Variants in CSMD3 observed in about 807,000 individuals in gnomAD.
The protein encoded by CSMD3 is CUB and sushi domain-containing protein 3.
In CSMD3, 177 loss-of-function variants were observed where a neutral mutation model predicts 435.2. The ratio of observed to expected loss-of-function variants is 0.41; its 90% CI spans 0.36 to 0.46. The LOEUF (loss-of-function observed/expected upper bound fraction) is 0.46, where lower values mean the gene tolerates loss of function less well. Ranked by LOEUF, CSMD3 falls within the 20% of genes least tolerant of loss-of-function variation. The pLI, the probability that CSMD3 is intolerant of heterozygous loss-of-function variation, is 0.34. For synonymous variants in CSMD3, 1,656 were observed against 1,520.5 expected (o/e 1.09, Z -2.07); for missense variants, 4,265 against 4,504.6 (o/e 0.95, Z 1.52).
chr8:113,265,189 A>G (rs2132379712), intron 3 of CSMD3, among the ~76,000 whole-genome samples: 1 of 151,760 alleles, frequency 6.6e-6, no homozygotes, highest in Middle Eastern at 3.4e-3. Flanking sequence ...AGAGAGAAAG[A>G]GCATTCAAAA....
chr8:113,000,423 T>C (rs2085820256), intron 6 of CSMD3, among the ~76,000 whole-genome samples: 2 of 152,038 alleles, frequency 1.3e-5, no homozygotes. Context: ...ACATGTTTAC[T>C]GGACTTTGAC....
At chr8:112,622,571 C>T (rs1259569349) in intron 22 of CSMD3, among the ~76,000 whole-genome samples, 1 of 152,094 alleles carries the variant, frequency 6.6e-6, no homozygotes, top group African/African-American at 2.4e-5. Flanking sequence ...GTGTTTTCAA[C>T]GTCACATTTC....
At chr8:112,575,608 T>G (rs977838358) in intron 23 of CSMD3, among the ~76,000 whole-genome samples, 3 of 152,108 alleles carry the variant, frequency 2.0e-5, no homozygotes, top group Admixed American at 6.6e-5. Context: ...TGCAAATAAG[T>G]TTCTGTTTTA....
At chr8:112,507,778 C>A (rs1019384046) in intron 28 of CSMD3, among the ~76,000 whole-genome samples, 1 of 152,076 alleles carries the variant, frequency 6.6e-6, no homozygotes, top group Non-Finnish European at 1.5e-5. Flanking sequence ...ATCATCACTA[C>A]GGTTTGGTAA....
At chr8:112,831,819 A>T (rs1308607449) in intron 11 of CSMD3, among the ~76,000 whole-genome samples, 3 of 152,106 alleles carry the variant, frequency 2.0e-5, no homozygotes, top group Non-Finnish European at 4.4e-5. Flanking sequence ...TATAATGGAA[A>T]TTTTATTTTT....
intron 32 of CSMD3, among the ~76,000 whole-genome samples, chr8:112,446,447 C>A (rs1378476088): frequency 6.6e-6 from 1 of 152,196 alleles, no homozygotes; most frequent in Non-Finnish European, 1.5e-5. Flanking sequence ...TTTAAATAGG[C>A]AGCCAAGTAA....
At chr8:113,278,785 A>G in intron 2 of CSMD3, 81 bp from the exon 3 acceptor site, 1 of 726,816 alleles carries the variant, frequency 1.4e-6, no homozygotes, top group South Asian at 1.5e-5. Context: ...TCATATTTAA[A>G]AAAAATAATA....
intron 4 of CSMD3, among the ~76,000 whole-genome samples, chr8:113,123,291 C>A (rs1254108756): frequency 6.6e-6 from 1 of 152,036 alleles, no homozygotes; most frequent in Non-Finnish European, 1.5e-5. Context: ...ATATATTTGA[C>A]AAGTGTTCAT....
chr8:112,709,485 T>G (rs1180867446), intron 13 of CSMD3, among the ~76,000 whole-genome samples: 2 of 152,056 alleles, frequency 1.3e-5, no homozygotes. Context: ...GAATAAACAC[T>G]TGGTTTTTAA....
intron 4 of CSMD3, among the ~76,000 whole-genome samples, chr8:113,109,961 G>A (rs2090589130): frequency 6.6e-6 from 1 of 152,176 alleles, no homozygotes; most frequent in South Asian, 2.1e-4. Context: ...GAGTGGCTGA[G>A]AAGCACGGAA....
intron 10 of CSMD3, among the ~76,000 whole-genome samples, chr8:112,910,698 C>T (rs1282454715): frequency 6.6e-6 from 1 of 151,846 alleles, no homozygotes; most frequent in Non-Finnish European, 1.5e-5. Flanking sequence ...ACAATCTTTC[C>T]TCATTGCATG....
At chr8:113,215,606 G>T (rs72687651) in intron 3 of CSMD3, among the ~76,000 whole-genome samples, 1 of 151,714 alleles carries the variant, frequency 6.6e-6, no homozygotes, top group African/African-American at 2.4e-5. Context: ...TCTAAAAGTT[G>T]TTTACTCTCA....
chr8:113,327,833 T>C (rs1324091292), intron 1 of CSMD3, among the ~76,000 whole-genome samples: 1 of 151,660 alleles, frequency 6.6e-6, no homozygotes, highest in Non-Finnish European at 1.5e-5. Flanking sequence ...CTGTGTAAAT[T>C]GGAACAAGAG....
intron 38 of CSMD3, among the ~76,000 whole-genome samples, chr8:112,368,387 G>A (rs1444059641): frequency 6.6e-6 from 1 of 152,130 alleles, no homozygotes; most frequent in African/African-American, 2.4e-5. Flanking sequence ...GACATTCTGG[G>A]TTGGTAGCCT....
At chr8:112,384,902 A>G (rs1362968475) in intron 36 of CSMD3, among the ~76,000 whole-genome samples, 1 of 152,210 alleles carries the variant, frequency 6.6e-6, no homozygotes, top group Non-Finnish European at 1.5e-5. Context: ...AAAATACTGC[A>G]TTCAGCTTTT....
intron 12 of CSMD3, among the ~76,000 whole-genome samples, chr8:112,809,837 A>T (rs1218804564): frequency 6.6e-6 from 1 of 152,214 alleles, no homozygotes; most frequent in East Asian, 1.9e-4. Flanking sequence ...CTTTGGATGT[A>T]AATATTCAAC....
intron 1 of CSMD3, among the ~76,000 whole-genome samples, chr8:113,374,687 G>A (rs1164768040): frequency 6.6e-6 from 1 of 151,844 alleles, no homozygotes; most frequent in Non-Finnish European, 1.5e-5. Context: ...GAGGAATTGA[G>A]GGCATTTGAA....
intron 6 of CSMD3, among the ~76,000 whole-genome samples, chr8:113,016,698 T>A (rs979925267): frequency 1.3e-5 from 2 of 151,840 alleles, no homozygotes; most frequent in African/African-American, 4.8e-5. Flanking sequence ...TATAATATAT[T>A]ACACAAAATT....
intron 1 of CSMD3, among the ~76,000 whole-genome samples, chr8:113,323,935 GAATAC>G (rs1378353532): frequency 6.6e-6 from 1 of 152,122 alleles, no homozygotes; most frequent in Non-Finnish European, 1.5e-5. Flanking sequence ...ATGAATGAAT[GAATAC>G]AATACTTTAC....
Sources: allele counts gnomAD v4.1 joint callset (sites outside exome capture counted in the v4.1 genomes callset), GRCh38; gene constraint gnomAD v4.1.1; transcripts MANE v1.5; gene names NCBI Gene and HGNC (gene_info 2026-07-23, HGNC 2026-07-21).